The following BPTF variants were observed in gnomAD, a reference collection of about 807,000 sequenced individuals.
The protein encoded by BPTF is nucleosome-remodeling factor subunit BPTF.
Under a neutral mutation model 292.5 loss-of-function variants are expected in BPTF, and 18 were observed. That is an observed-to-expected ratio of 0.06 (90% CI 0.04 to 0.09). The LOEUF (loss-of-function observed/expected upper bound fraction) is 0.09, where lower values mean the gene tolerates loss of function less well. Among genes scored for constraint, BPTF ranks in the 10% least tolerant of loss-of-function variants. The pLI is 1.00. For missense variants in BPTF, 2,726 were observed against 3,498.7 expected, an observed-to-expected ratio of 0.78 and a Z score of 5.57; for synonymous variants, 1,225 against 1,251.9, an observed-to-expected ratio of 0.98 and a Z score of 0.45.
chr17:67,969,286 CA>C (rs1264912929), intron 26 of BPTF, among the ~76,000 whole-genome samples: 54 of 145,094 alleles, frequency 3.7e-4, no homozygotes, highest in Middle Eastern at 3.3e-3. Context: ...ATCTCTACTA[CA>C]AAAAAAAAAT....
At chr17:67,890,819 T>C (rs1319756608) in intron 4 of BPTF, among the ~76,000 whole-genome samples, 1 of 152,238 alleles carries the variant, frequency 6.6e-6, no homozygotes, top group East Asian at 1.9e-4. Flanking sequence ...GCCATCTTTA[T>C]TATATATCAT....
intron 26 of BPTF, among the ~76,000 whole-genome samples, chr17:67,967,816 CAA>C (rs58143986): frequency 5.2e-5 from 5 of 97,046 alleles, no homozygotes; most frequent in Non-Finnish European, 6.6e-5. Flanking sequence ...GAGACTCTGT[CAA>C]AAAAAAAAAA....
At chr17:67,869,827 CAAA>C (rs772941425) in intron 3 of BPTF, among the ~76,000 whole-genome samples, 7 of 56,428 alleles carry the variant, frequency 1.2e-4, no homozygotes, top group African/African-American at 4.6e-4. Flanking sequence ...ACTAAAAATA[CAAA>C]AAAAAAAAAA....
At position 67,866,467 on chromosome 17, in the gene BPTF, A is replaced by G; in HGVS notation, c.1440A>G (p.Glu480=). 6.3e-7 allele frequency: 1 copy of G among 1,599,222 alleles called. No homozygotes were observed. Residue 480 remains glutamate (E), a synonymous_variant, in exon 3 of 28, where the codon GAA becomes GAG. Coordinates refer to ENST00000306378, the MANE Select transcript of BPTF (RefSeq NM_182641.4). ...YWFLNRRLII[E]EDTENENEKK... ...ATTTCCCCCCATTTTTAAACAGAGA[A>G]GAAGATACAGAAAATGAAAATGAAA...
In BPTF at chr17:67,945,538, C is replaced by T. The variant is rs782164543; in HGVS notation, c.6830C>T (p.Ala2277Val). 1.2e-6 allele frequency: 2 copies of T among 1,613,268 alleles called. No homozygotes were observed. The highest frequency in any genetic ancestry group is 2.2e-5 in the South Asian group (2 of 90,982). The change falls in exon 21 of 28, where the codon GCT becomes GTT. Residue 2277 changes from alanine (A) to valine (V), a missense_variant. This residue lies in a region of BPTF where 570 missense variants were observed against 633.5 expected (regional missense o/e 0.90). Transcript: ENST00000306378. ...EAQPQTAQPS[A>V]QPQPQTQPQS... ...CAGCCACAGACTGCTCAGCCTTCAG[C>T]TCAGCCCCAGCCCCAAACCCAGCCC...
Position 67,928,399 on chromosome 17 carries a change from T to C in BPTF, c.5796T>C (p.Thr1932=). 1 of 1,613,966 alleles carries C rather than the reference T, an allele frequency of 6.2e-7. No homozygotes were observed. The highest frequency in any genetic ancestry group is 8.5e-7 in the Non-Finnish European group (1 of 1,179,942). ...QQKPTVIATS[T]TSPTSSTTST... ...AGCCGACAGTGATTGCAACTTCCAC[T>C]ACTTCCCCAACAAGCAGTACAACCA... Residue 1932 remains threonine, a synonymous_variant, in exon 16 of 28, where the codon ACT becomes ACC. Transcript: ENST00000306378.
chr17:67,961,576 G>A (rs1254549030), intron 24 of BPTF, among the ~76,000 whole-genome samples: 3 of 152,120 alleles, frequency 2.0e-5, no homozygotes, highest in African/African-American at 7.2e-5. Context: ...GCTGGGCACC[G>A]TGGCTCATAC....
chr17:67,901,870 C>T (rs905722512), intron 7 of BPTF, among the ~76,000 whole-genome samples: 1 of 152,202 alleles, frequency 6.6e-6, no homozygotes, highest in African/African-American at 2.4e-5. Flanking sequence ...GCCATCCCAC[C>T]ACTGGAGGAT....
chr17:67,858,695 C>G (rs1042505841), intron 2 of BPTF, among the ~76,000 whole-genome samples: 1 of 152,234 alleles, frequency 6.6e-6, no homozygotes, highest in Non-Finnish European at 1.5e-5. Context: ...CACGCAGTCT[C>G]AAGTGCCCTC....
chr17:67,980,388 T>C (rs1216191027), intron 27 of BPTF, among the ~76,000 whole-genome samples: 26 of 152,140 alleles, frequency 1.7e-4, no homozygotes, highest in African/African-American at 6.0e-4. Context: ...GTCAAAGGGA[T>C]TGATCATAGG....
chr17:67,882,739 G>C (rs527946023), intron 4 of BPTF, among the ~76,000 whole-genome samples: 4 of 152,308 alleles, frequency 2.6e-5, no homozygotes, highest in African/African-American at 9.6e-5. Context: ...GGGCGTGGTG[G>C]CTGACGCCTG....
rs2055915206 is a variant in BPTF at position 67,825,632 on chromosome 17, G to A, written c.-93G>A. On this transcript the variant is annotated 5_prime_UTR_variant, in exon 1 of 28. Transcript: ENST00000306378. ...CCGGGCCCCTCCCGCCCGGCCCCGCGGGCCTCCCCACCCGGCCCCGGCGCT... is the reference window on the plus strand; with the variant it reads ...CCGGGCCCCTCCCGCCCGGCCCCGCAGGCCTCCCCACCCGGCCCCGGCGCT... 1 of 218,846 alleles carries A rather than the reference G, an allele frequency of 4.6e-6. No homozygotes were observed. Among genetic ancestry groups the A allele is most frequent in the Non-Finnish European group, 9.1e-6 (1 of 109,560 alleles). The allele number at this position is 218,846 out of a possible 1,614,324, so 13.6% of individuals were successfully genotyped here.
intron 7 of BPTF, among the ~76,000 whole-genome samples, chr17:67,898,816 G>A (rs2061624651): frequency 6.6e-6 from 1 of 151,256 alleles, no homozygotes; most frequent in Non-Finnish European, 1.5e-5. Flanking sequence ...CAGCACTTTG[G>A]GCAACCACGT....
intron 18 of BPTF, among the ~76,000 whole-genome samples, chr17:67,939,526 G>C (rs1465964407): frequency 6.6e-6 from 1 of 152,196 alleles, no homozygotes. Context: ...GAAAACTGTA[G>C]AGCCATTCCA....
intron 11 of BPTF, among the ~76,000 whole-genome samples, chr17:67,917,201 C>T (rs1035824901): frequency 2.1e-5 from 3 of 143,588 alleles, no homozygotes; most frequent in Non-Finnish European, 3.0e-5. Context: ...GGAGCGATCT[C>T]GGCTCACTGC....
At chr17:67,958,485 T>G (rs1555681974) in intron 23 of BPTF, among the ~76,000 whole-genome samples, 1 of 152,066 alleles carries the variant, frequency 6.6e-6, no homozygotes, top group Non-Finnish European at 1.5e-5. Flanking sequence ...CCCAGGACTT[T>G]GGAAGTCTAA....
At chr17:67,946,754 C>A (rs1195805723) in intron 21 of BPTF, among the ~76,000 whole-genome samples, 1 of 152,140 alleles carries the variant, frequency 6.6e-6, no homozygotes, top group Non-Finnish European at 1.5e-5. Flanking sequence ...TCTAGCCACA[C>A]CTTTGTAAAA....
intron 12 of BPTF, among the ~76,000 whole-genome samples, chr17:67,919,173 AAAT>A (rs141658141): frequency 0.1 from 13,961 of 135,326 alleles, 732 homozygotes; most frequent in African/African-American, 0.12. Context: ...CTCTGTCTCA[AAAT>A]AATAATAATA....
intron 13 of BPTF, 123 bp downstream of exon 13, chr17:67,920,266 A>G: frequency 9.3e-7 from 1 of 1,077,126 alleles, no homozygotes; most frequent in Non-Finnish European, 1.3e-6. Flanking sequence ...TACAACTACC[A>G]AATTTTGAAA....
Sources: gnomAD v4.1 joint callset for allele counts (sites outside exome capture counted in the v4.1 genomes callset) on GRCh38, gnomAD v4.1.1 for gene constraint, gnomAD v4.1.1 regional missense constraint, MANE v1.5 for transcripts, NCBI Gene and HGNC (gene_info 2026-07-23, HGNC 2026-07-21) for gene names.